BMPR2: variants seen among roughly 807,000 people sequenced by gnomAD.
BMPR2 encodes bone morphogenetic protein receptor type 2, also known as bone morphogenetic protein receptor type-2.
A neutral mutation model predicts 100.8 loss-of-function variants in BMPR2; 29 were observed. The observed-to-expected ratio is 0.29, with a 90% CI of 0.21 to 0.39. The LOEUF is 0.39. Among genes scored for constraint, BMPR2 ranks in the 10% least tolerant of loss-of-function variants. The pLI is 1.00. For synonymous variants in BMPR2, 382 were observed against 442.3 expected (o/e 0.86, Z 1.71); for missense variants, 1,011 against 1,274.5 (o/e 0.79, Z 3.15).
Position 202,376,999 on chromosome 2 carries a change from G to A in BMPR2, c.-476G>A, listed in dbSNP as rs2105891704. On this transcript the variant is annotated 5_prime_UTR_variant, in exon 1 of 13. Coordinates refer to ENST00000374580, the MANE Select transcript of BMPR2 (RefSeq NM_001204.7). ...CGGAGCCGCGGGCGATGCGACTAGG[G>A]CTGCCGGGCGCCGCCGCCGCCCGTC... The A allele has an allele frequency of 8.6e-6, 4 of 467,274 alleles. No homozygotes were observed. In the East Asian group the frequency reaches 1.3e-4, roughly 15 times the overall value. 28.9% of individuals were successfully genotyped at this position (467,274 alleles called of 1,614,324 possible). A position where few individuals can be genotyped will look rare whatever the true frequency, so the allele number is the denominator to read the frequency against.
At chr2:202,391,018 G>GT (rs1281768813) in intron 1 of BMPR2, among the ~76,000 whole-genome samples, 4 of 112,648 alleles carry the variant, frequency 3.6e-5, no homozygotes, top group African/African-American at 1.4e-4. Context: ...GGGAGATGGA[G>GT]TTTCACTCTT....
chr2:202,408,217 T>G (rs1011130944), intron 1 of BMPR2, among the ~76,000 whole-genome samples: 1 of 152,234 alleles, frequency 6.6e-6, no homozygotes, highest in African/African-American at 2.4e-5. Context: ...CTCTGAATAG[T>G]CATGTCTGAT....
intron 7 of BMPR2, among the ~76,000 whole-genome samples, chr2:202,528,287 A>G (rs1271026185): frequency 6.6e-6 from 1 of 152,214 alleles, no homozygotes; most frequent in East Asian, 1.9e-4. Flanking sequence ...TCCCGGCTTC[A>G]TGCCATTCTC....
At chr2:202,457,578 A>C (rs988552963) in intron 1 of BMPR2, among the ~76,000 whole-genome samples, 3 of 148,914 alleles carry the variant, frequency 2.0e-5, no homozygotes, top group Non-Finnish European at 4.4e-5. Context: ...AGAGAGAGAG[A>C]GAGAGAGAGA....
intron 3 of BMPR2, among the ~76,000 whole-genome samples, chr2:202,502,355 GAA>G (rs1211337969): frequency 6.6e-6 from 1 of 152,150 alleles, no homozygotes; most frequent in African/African-American, 2.4e-5. Flanking sequence ...AGAAAGGAAA[GAA>G]AGGGACAGGA....
intron 1 of BMPR2, among the ~76,000 whole-genome samples, chr2:202,419,951 C>T (rs535154528): frequency 6.6e-6 from 1 of 151,978 alleles, no homozygotes; most frequent in South Asian, 2.1e-4. Context: ...GAGTTTGAGA[C>T]CAGTCTGGCC....
intron 3 of BMPR2, among the ~76,000 whole-genome samples, chr2:202,493,986 G>GAA (rs1208753897): frequency 6.6e-6 from 1 of 151,964 alleles, no homozygotes; most frequent in Non-Finnish European, 1.5e-5. Context: ...CTACTTGTTT[G>GAA]AAAAAACAAG....
chr2:202,542,022 A>G (rs1188783782), intron 9 of BMPR2, among the ~76,000 whole-genome samples: 1 of 151,878 alleles, frequency 6.6e-6, no homozygotes, highest in African/African-American at 2.4e-5. Context: ...GAGGCGAGAG[A>G]ATCACTTGAA....
At position 202,445,063 on chromosome 2, in the gene BMPR2, C is replaced by T. The variant is rs535935634; in HGVS notation, c.77-19746C>T. 3.3e-5 allele frequency among the ~76,000 whole-genome samples: 5 copies of T among 150,586 alleles called. 1 individual carries two copies. Among genetic ancestry groups the T allele is most frequent in the East Asian group, 1.9e-4 (1 of 5,178 alleles). On this transcript the variant is annotated intron_variant, in intron 1 of 12. Coordinates refer to ENST00000374580, the MANE Select transcript of BMPR2 (RefSeq NM_001204.7). ...TTGGCCTCCCAAAGTGCTCGGATTA[C>T]GGGTGTGAGCCAACACACCTGGCCT...
At chr2:202,498,249 TAGG>T (rs750767984) in intron 3 of BMPR2, among the ~76,000 whole-genome samples, 2 of 152,186 alleles carry the variant, frequency 1.3e-5, no homozygotes, top group Non-Finnish European at 2.9e-5. Context: ...CCTTGTGGTC[TAGG>T]AGGACAGGCA....
At chr2:202,494,854 T>C (rs1692988771) in intron 3 of BMPR2, among the ~76,000 whole-genome samples, 1 of 152,236 alleles carries the variant, frequency 6.6e-6, no homozygotes, top group South Asian at 2.1e-4. Flanking sequence ...TTTTAGACCA[T>C]GTGACAGAGG....
At position 202,562,519 on chromosome 2, in the gene BMPR2, CTT is replaced by C. The variant is rs1362054067; in HGVS notation, c.*2574_*2575del. On this transcript the variant is annotated 3_prime_UTR_variant, in exon 13 of 13. Transcript: ENST00000374580. ...AAGCAAGCAAAATTATTTTAAATGACTTAATTGTATGCTAATACTCATCTGAT... is the reference window on the plus strand; with the variant it reads ...AAGCAAGCAAAATTATTTTAAATGACAATTGTATGCTAATACTCATCTGAT... 6.6e-6 allele frequency: 1 copy of C among 152,472 alleles called. No individual in the cohort carries two copies. The highest frequency in any genetic ancestry group is 2.4e-5 in the African/African-American group (1 of 41,400). The allele number at this position is 152,472 out of a possible 1,614,324, so 9.4% of individuals were successfully genotyped here. A position where few individuals can be genotyped will look rare whatever the true frequency, so the allele number is the denominator to read the frequency against.
intron 1 of BMPR2, among the ~76,000 whole-genome samples, chr2:202,424,704 A>C (rs1003665893): frequency 2.0e-5 from 3 of 152,096 alleles, no homozygotes; most frequent in Non-Finnish European, 4.4e-5. Flanking sequence ...TCAAAAAATA[A>C]AATAAAAATA....
chr2:202,550,839 A>G (rs1688462934), intron 10 of BMPR2, among the ~76,000 whole-genome samples: 1 of 152,134 alleles, frequency 6.6e-6, no homozygotes. Context: ...CAAACCAAAA[A>G]TATAATAATA....
intron 1 of BMPR2, among the ~76,000 whole-genome samples, chr2:202,417,037 T>G (rs1469585807): frequency 6.6e-6 from 1 of 151,126 alleles, no homozygotes; most frequent in Non-Finnish European, 1.5e-5. Flanking sequence ...GGGATTTCAC[T>G]GTGTTAGCCA....
intron 1 of BMPR2, among the ~76,000 whole-genome samples, chr2:202,451,701 AAAC>A (rs1401958649): frequency 2.0e-5 from 3 of 152,126 alleles, no homozygotes; most frequent in African/African-American, 7.2e-5. Flanking sequence ...CTCTGTCTCA[AAAC>A]AACAACAAAA....
At chr2:202,450,267 C>T (rs997413489) in intron 1 of BMPR2, among the ~76,000 whole-genome samples, 1 of 152,170 alleles carries the variant, frequency 6.6e-6, no homozygotes, top group Non-Finnish European at 1.5e-5. Context: ...CTCTTTCCTA[C>T]TATGATCTTT....
chr2:202,539,470 A>T (rs921442926), intron 9 of BMPR2, among the ~76,000 whole-genome samples: 12 of 152,120 alleles, frequency 7.9e-5, no homozygotes, highest in Non-Finnish European at 1.5e-4. Context: ...AAAAAGGATC[A>T]TATAAATATA....
intron 1 of BMPR2, among the ~76,000 whole-genome samples, chr2:202,404,110 C>G (rs1206017830): frequency 6.6e-6 from 1 of 150,640 alleles, no homozygotes; most frequent in Non-Finnish European, 1.5e-5. Flanking sequence ...CTTATAATTA[C>G]TGTGATTAGA....
Sources: gnomAD v4.1 joint callset for allele counts (sites outside exome capture counted in the v4.1 genomes callset) on GRCh38, gnomAD v4.1.1 for gene constraint, MANE v1.5 for transcripts, NCBI Gene and HGNC (gene_info 2026-07-23, HGNC 2026-07-21) for gene names.